ZNF407: variants seen among roughly 807,000 people sequenced by gnomAD.
The protein encoded by ZNF407 is zinc finger protein 407.
In ZNF407, 17 loss-of-function variants were observed where a neutral mutation model predicts 131.2. The ratio of observed to expected loss-of-function variants is 0.13; its 90% CI spans 0.09 to 0.19. ZNF407 has a LOEUF of 0.19. Among genes scored for constraint, ZNF407 ranks in the 10% least tolerant of loss-of-function variants. The pLI, the probability that ZNF407 is intolerant of heterozygous loss-of-function variation, is 1.00. For synonymous variants in ZNF407, 1,156 were observed against 1,062.0 expected (o/e 1.09, Z -1.72); for missense variants, 2,681 against 2,830.6 (o/e 0.95, Z 1.20).
intron 8 of ZNF407, among the ~76,000 whole-genome samples, chr18:74,925,716 A>T (rs1318361043): frequency 6.6e-6 from 1 of 152,212 alleles, no homozygotes; most frequent in Middle Eastern, 3.2e-3. Flanking sequence ...AAATCTCAGA[A>T]AATCCTGACA....
At chr18:74,620,569 G>A (rs1008161768) in intron 1 of ZNF407, among the ~76,000 whole-genome samples, 5 of 152,248 alleles carry the variant, frequency 3.3e-5, no homozygotes, top group East Asian at 1.9e-4. Context: ...ATTCTATTCC[G>A]ACATGAGTGA....
intron 2 of ZNF407, among the ~76,000 whole-genome samples, chr18:74,636,520 A>G (rs1214984100): frequency 6.6e-6 from 1 of 152,234 alleles, no homozygotes; most frequent in Admixed American, 6.5e-5. Context: ...GTGGATTTGA[A>G]TAATAAATTC....
Position 75,048,194 on chromosome 18 carries a change from T to C in ZNF407, c.5429-14956T>C, listed in dbSNP as rs1973457857. On this transcript the variant is annotated intron_variant, in intron 8 of 8. Transcript: ENST00000299687. The surrounding 1 kb of genome is among the most constrained non-coding windows in gnomAD (Gnocchi z 4.1). The stretch of plus-strand genomic sequence containing the variant: ...GCCTGTGCCTCGTCTCCCGGTGACC[T>C]GTACAGACACCGCCCTTTTTGCTCT... Among the ~76,000 whole-genome samples the C allele has an allele frequency of 6.6e-6, 1 of 152,346 alleles. No individual in the cohort carries two copies. The highest frequency in any genetic ancestry group is 6.5e-5 in the Admixed American group (1 of 15,298).
chr18:74,870,249 A>T (rs1334735554), intron 4 of ZNF407, among the ~76,000 whole-genome samples: 1 of 152,210 alleles, frequency 6.6e-6, no homozygotes, highest in African/African-American at 2.4e-5. Context: ...ATATGTTAAG[A>T]GGTATAAAAA....
chr18:75,040,307 C>T (rs1191688610), intron 8 of ZNF407, among the ~76,000 whole-genome samples: 3 of 152,072 alleles, frequency 2.0e-5, no homozygotes, highest in East Asian at 3.8e-4. Flanking sequence ...ATATTAGATA[C>T]TGGATATTGA....
chr18:74,942,653 G>T (rs1317521258), intron 8 of ZNF407, among the ~76,000 whole-genome samples: 1 of 152,174 alleles, frequency 6.6e-6, no homozygotes, highest in African/African-American at 2.4e-5. Flanking sequence ...GGGACCTGCT[G>T]GTCCACGGGG....
chr18:74,992,999 G>A (rs1347361926), intron 8 of ZNF407, among the ~76,000 whole-genome samples: 4 of 152,174 alleles, frequency 2.6e-5, no homozygotes, highest in Non-Finnish European at 4.4e-5. Context: ...AGGACATGGA[G>A]GAGCATCTGG....
At chr18:74,867,241 T>G (rs915615268) in intron 4 of ZNF407, among the ~76,000 whole-genome samples, 1 of 152,196 alleles carries the variant, frequency 6.6e-6, no homozygotes, top group African/African-American at 2.4e-5. Context: ...TTTGGCATAT[T>G]AACTTTGTTT....
intron 3 of ZNF407, among the ~76,000 whole-genome samples, chr18:74,644,901 T>C (rs1984897925): frequency 6.6e-6 from 1 of 151,986 alleles, no homozygotes; most frequent in South Asian, 2.1e-4. Context: ...TTTCACTGCA[T>C]GTAGGAAATG....
intron 3 of ZNF407, among the ~76,000 whole-genome samples, chr18:74,738,293 G>A (rs1340431631): frequency 6.6e-5 from 10 of 151,826 alleles, no homozygotes; most frequent in Non-Finnish European, 1.2e-4. Context: ...GGCGGTGCGT[G>A]CCTGTAGTCC....
At chr18:74,795,872 G>A (rs958510827) in intron 4 of ZNF407, among the ~76,000 whole-genome samples, 1 of 152,246 alleles carries the variant, frequency 6.6e-6, no homozygotes, top group Non-Finnish European at 1.5e-5. Context: ...ACATGCAAAA[G>A]CAATGGAGTG....
chr18:74,966,571 G>A lies in ZNF407; in HGVS notation c.5428+45879G>A, dbSNP rs149129015. Among the ~76,000 whole-genome samples the A allele has an allele frequency of 8.5e-3, 1,299 of 152,276 alleles. 18 individuals carry two copies. Among genetic ancestry groups the A allele is most frequent in the African/African-American group, 0.028 (1,179 of 41,558 alleles). ...ATGCTGTTTTGGTTACTGTAGCTCT[G>A]TAGTGTAATTTGAAGTCAGGTAATG... On this transcript the variant is annotated intron_variant, in intron 8 of 8. Coordinates refer to ENST00000299687, the MANE Select transcript of ZNF407 (RefSeq NM_017757.3).
chr18:74,949,431 A>G (rs1972189184), intron 8 of ZNF407, among the ~76,000 whole-genome samples: 1 of 152,194 alleles, frequency 6.6e-6, no homozygotes, highest in Non-Finnish European at 1.5e-5. Flanking sequence ...AATTCTGTAA[A>G]ATTACAAATA....
At position 74,739,768 on chromosome 18, in the gene ZNF407, A is replaced by T. The variant is rs1265446883; in HGVS notation, c.4803-41660A>T. Among the ~76,000 whole-genome samples, 3 of 152,208 alleles carry T rather than the reference A, an allele frequency of 2.0e-5. No individual in the cohort carries two copies. The South Asian group carries it at 6.2e-4, about 31-fold the overall frequency. ...AAAAATGCTCATTTAAAAAGTAAAA[A>T]TGAGAAAAATATGAAATGCAAACAA... On this transcript the variant is annotated intron_variant, in intron 3 of 8. Transcript: ENST00000299687.
intron 3 of ZNF407, among the ~76,000 whole-genome samples, chr18:74,672,445 C>CTGTTCATTGGAGCATTGTT (rs1599057493): frequency 2.1e-5 from 3 of 144,996 alleles, no homozygotes; most frequent in East Asian, 4.2e-4. Context: ...CACTGTTTGT[C>CTGTTCATTGGAGCATTGTT]TGTTCATTGG....
intron 1 of ZNF407, among the ~76,000 whole-genome samples, chr18:74,624,337 A>G (rs1983695431): frequency 6.6e-6 from 1 of 152,136 alleles, no homozygotes; most frequent in Non-Finnish European, 1.5e-5. Context: ...TCTGTTGGTA[A>G]TATGCTACTT....
chr18:74,649,255 A>G (rs758304353), intron 3 of ZNF407, among the ~76,000 whole-genome samples: 13 of 152,206 alleles, frequency 8.5e-5, no homozygotes, highest in Non-Finnish European at 1.8e-4. Flanking sequence ...TAAAGTGTTA[A>G]TTTGCATCAT....
intron 4 of ZNF407, among the ~76,000 whole-genome samples, chr18:74,871,067 T>C (rs1258088213): frequency 2.0e-5 from 3 of 152,166 alleles, no homozygotes; most frequent in African/African-American, 7.2e-5. Flanking sequence ...TGGCAGGATT[T>C]TGTGAGTGTC....
At position 74,634,742 on chromosome 18, in the gene ZNF407, A is replaced by G; in HGVS notation, c.3723A>G (p.Gly1241=). The change falls in exon 2 of 9, where the codon GGA becomes GGG. Residue 1241 remains glycine, a synonymous_variant. Transcript: ENST00000299687. The part of the protein sequence containing the change: ...EGEGGNAGDG[G]GVVPHRHLCP... ...AAGGAGGAAACGCAGGAGACGGTGG[A>G]GGTGTTGTCCCCCACAGACACCTGT... The G allele has an allele frequency of 6.2e-7, 1 of 1,614,028 alleles. No homozygotes were observed. Among genetic ancestry groups the G allele is most frequent in the Non-Finnish European group, 8.5e-7 (1 of 1,179,900 alleles).
Sources: gnomAD v4.1 joint callset for allele counts (sites outside exome capture counted in the v4.1 genomes callset) on GRCh38, gnomAD v4.1.1 for gene constraint, Gnocchi (gnomAD v3.1) non-coding constraint, MANE v1.5 for transcripts, NCBI Gene and HGNC (gene_info 2026-07-23, HGNC 2026-07-21) for gene names.